The following TET1 variants were observed in gnomAD, a reference collection of about 807,000 sequenced individuals.
The protein encoded by TET1 is methylcytosine dioxygenase TET1.
TET1 carries 13 observed loss-of-function variants against 148.7 expected under a neutral mutation model. That is an observed-to-expected ratio of 0.09 (90% CI 0.06 to 0.14). The LOEUF (loss-of-function observed/expected upper bound fraction) is 0.14, where lower values mean the gene tolerates loss of function less well. Ranked by LOEUF, TET1 falls within the 10% of genes least tolerant of loss-of-function variation. The pLI, the probability that TET1 is intolerant of heterozygous loss-of-function variation, is 1.00. For synonymous variants in TET1, 907 were observed against 937.2 expected, an observed-to-expected ratio of 0.97 and a Z score of 0.59; for missense variants, 2,182 against 2,553.8, an observed-to-expected ratio of 0.85 and a Z score of 3.14.
intron 11 of TET1, among the ~76,000 whole-genome samples, chr10:68,688,273 T>C (rs1370421251): frequency 1.4e-5 from 2 of 147,598 alleles, no homozygotes; most frequent in African/African-American, 5.0e-5. Flanking sequence ...AATTTTTGTA[T>C]TTTTAGTTGA....
chr10:68,623,755 C>T (rs1204070565), intron 3 of TET1, among the ~76,000 whole-genome samples: 3 of 152,202 alleles, frequency 2.0e-5, no homozygotes, highest in Non-Finnish European at 2.9e-5. Context: ...GATGATTCCA[C>T]CACACTCATT....
At chr10:68,618,425 C>A (rs1418573959) in intron 3 of TET1, among the ~76,000 whole-genome samples, 3 of 152,168 alleles carry the variant, frequency 2.0e-5, no homozygotes, top group Non-Finnish European at 4.4e-5. Context: ...TCTTGCCCTT[C>A]CTGCTCTTAT....
In TET1 at chr10:68,624,681, TCTCTCTCTCTCTC is replaced by T. The variant is rs1564975200; in HGVS notation, c.1969-20016_1969-20004del. Among the ~76,000 whole-genome samples, 422 of 131,940 alleles carry T rather than the reference TCTCTCTCTCTCTC, an allele frequency of 3.2e-3. 5 individuals carry two copies. Among genetic ancestry groups the T allele is most frequent in the Non-Finnish European group, 4.7e-3 (292 of 61,696 alleles). 86.6% of individuals were successfully genotyped at this position (131,940 alleles called of 152,430 possible). A position where few individuals can be genotyped will look rare whatever the true frequency, so the allele number is the denominator to read the frequency against. On this transcript the variant is annotated intron_variant, in intron 3 of 11. Transcript: ENST00000373644. Reference sequence around the variant, plus strand: ...CTTTCTCTCTCTCTCTCTCTCTCTCTCTCTCTCTCTCTCTCTTTCTTTCTTTTCCTTCCTTCTT... The same window carrying T: ...CTTTCTCTCTCTCTCTCTCTCTCTCTTCTTTCTTTCTTTTCCTTCCTTCTT...
intron 8 of TET1, among the ~76,000 whole-genome samples, chr10:68,673,935 C>CTTTTTTTTTTTTTTTTTTTTTT (rs11381293): frequency 2.5e-5 from 3 of 120,280 alleles, no homozygotes; most frequent in Non-Finnish European, 3.4e-5. Context: ...CTTTCTTTTT[C>CTTTTTTTTTTTTTTTTTTTTTT]TTTTTTTTTT....
At chr10:68,643,457 A>C (rs1223856034) in intron 3 of TET1, among the ~76,000 whole-genome samples, 1 of 152,154 alleles carries the variant, frequency 6.6e-6, no homozygotes, top group East Asian at 1.9e-4. Context: ...GTGAAAACTT[A>C]ACAAGCTATA....
At chr10:68,596,023 CACACATAT>C (rs1564959068) in intron 2 of TET1, among the ~76,000 whole-genome samples, 5 of 95,418 alleles carry the variant, frequency 5.2e-5, no homozygotes, top group East Asian at 5.3e-4. Context: ...CACACACACA[CACACATAT>C]ATATATATAT....
Position 68,690,889 on chromosome 10 carries a change from A to C in TET1, c.5486A>C (p.Lys1829Thr). 6.2e-7 allele frequency: 1 copy of C among 1,614,204 alleles called. No homozygotes were observed. The highest frequency in any genetic ancestry group is 8.5e-7 in the Non-Finnish European group (1 of 1,180,048). Reference sequence around the variant, plus strand: ...ATCTTAAAAAGTTCAGACAACACTAAAACTTATTCGCTGATGCCATCCGCT... The same window carrying C: ...ATCTTAAAAAGTTCAGACAACACTACAACTTATTCGCTGATGCCATCCGCT... ...HFILKSSDNTKTYSLMPSAPH... is the reference protein window; with the variant it reads ...HFILKSSDNTTTYSLMPSAPH... The change falls in exon 12 of 12, where the codon AAA becomes ACA. Residue 1829 changes from lysine to threonine, a missense_variant. Around this residue, in one of 11 missense-constraint regions of TET1, gnomAD observed 380 missense variants for 387.9 expected, o/e 0.98. Coordinates refer to ENST00000373644, the MANE Select transcript of TET1 (RefSeq NM_030625.3).
At position 68,573,064 on chromosome 10, in the gene TET1, G is replaced by A. The variant is rs1564948512; in HGVS notation, c.726G>A (p.Met242Ile). ...ATGATACCAGTGGTTCCCCAAAAAT[G>A]TTTGCTCAGGACACAGTGTGTGCTC... The part of the protein sequence containing the change: ...TLNDTSGSPK[M>I]FAQDTVCAPF... The change falls in exon 2 of 12, where the codon ATG becomes ATA. Residue 242 changes from methionine (M) to isoleucine (I), a missense_variant. By Grantham distance (10) the Met-to-Ile change is conservative (BLOSUM62 1). Transcript: ENST00000373644. 6.2e-7 allele frequency: 1 copy of A among 1,614,138 alleles called. No homozygotes were observed. Among genetic ancestry groups the A allele is most frequent in the Non-Finnish European group, 8.5e-7 (1 of 1,180,026 alleles).
At chr10:68,579,482 T>C (rs1334657155) in intron 2 of TET1, among the ~76,000 whole-genome samples, 4 of 152,230 alleles carry the variant, frequency 2.6e-5, no homozygotes. Flanking sequence ...TCAACAAGTA[T>C]TGCACTTCTC....
chr10:68,644,689 A>T lies in TET1; in HGVS notation c.1969-9A>T. On this transcript the variant is annotated splice_polypyrimidine_tract_variant and intron_variant, in intron 3 of 11. Coordinates refer to ENST00000373644, the MANE Select transcript of TET1 (RefSeq NM_030625.3). ...AGTAGATGACATAAGTAATTTCTGT[A>T]TTTTACAGGCAGATTTTGACAACAA... 1 of 1,543,882 alleles carries T rather than the reference A, an allele frequency of 6.5e-7. No individual in the cohort carries two copies. Among genetic ancestry groups the T allele is most frequent in the South Asian group, 1.3e-5 (1 of 78,388 alleles).
At chr10:68,586,814 G>A (rs977562753) in intron 2 of TET1, among the ~76,000 whole-genome samples, 1 of 152,178 alleles carries the variant, frequency 6.6e-6, no homozygotes, top group Non-Finnish European at 1.5e-5. Context: ...GCCATGAGGA[G>A]CAGAGATGAT....
At chr10:68,584,598 A>G (rs1228582522) in intron 2 of TET1, among the ~76,000 whole-genome samples, 4 of 149,898 alleles carry the variant, frequency 2.7e-5, no homozygotes, top group African/African-American at 9.9e-5. Flanking sequence ...AATCCCAGCT[A>G]TGAGGGAGGC....
At chr10:68,690,741 C>G in intron 11 of TET1, 67 bp from the exon 12 acceptor site, 1 of 1,471,662 alleles carries the variant, frequency 6.8e-7, no homozygotes, top group Admixed American at 2.3e-5. Context: ...TTTGAAAATA[C>G]TTTTTAAAAG....
chr10:68,609,614 G>A (rs1433207482), intron 3 of TET1, among the ~76,000 whole-genome samples: 1 of 152,062 alleles, frequency 6.6e-6, no homozygotes. Flanking sequence ...CTGTACTTCT[G>A]AAGTTTTTGT....
chr10:68,645,456 C>T lies in TET1; in HGVS notation c.2727C>T (p.Ser909=). ...QLSEAPSENS[S]PSKSEKDEES... ...CAGAAGCCCCATCAGAGAATTCCTC[C>T]CCATCAAAGTCAGAGAAGGATGAGG... Residue 909 remains serine, a synonymous_variant, in exon 4 of 12, where the codon TCC becomes TCT. Transcript: ENST00000373644. 1.1e-5 allele frequency: 17 copies of T among 1,613,854 alleles called. No individual in the cohort carries two copies. Among genetic ancestry groups the T allele is most frequent in the Non-Finnish European group, 1.4e-5 (17 of 1,180,034 alleles).
At chr10:68,608,426 G>C (rs569544065) in intron 3 of TET1, among the ~76,000 whole-genome samples, 2 of 151,284 alleles carry the variant, frequency 1.3e-5, no homozygotes, top group Admixed American at 6.6e-5. Flanking sequence ...CAGTAGAGAT[G>C]GGGTTTCACC....
chr10:68,588,571 C>A (rs1419701897), intron 2 of TET1, among the ~76,000 whole-genome samples: 1 of 152,028 alleles, frequency 6.6e-6, no homozygotes, highest in African/African-American at 2.4e-5. Context: ...GAGAGGTGGA[C>A]TGGTTGAGGA....
intron 2 of TET1, among the ~76,000 whole-genome samples, chr10:68,584,706 C>T (rs1280324215): frequency 6.6e-6 from 1 of 151,930 alleles, no homozygotes; most frequent in Non-Finnish European, 1.5e-5. Flanking sequence ...GAGACTCCGT[C>T]TCAGGGAACA....
intron 5 of TET1, 42 bp from the exon 6 acceptor site, chr10:68,652,459 G>A: frequency 7.1e-7 from 1 of 1,418,042 alleles, no homozygotes. Flanking sequence ...AGTACAGATT[G>A]CAATTAATTA....
Sources: gnomAD v4.1 joint callset for allele counts (sites outside exome capture counted in the v4.1 genomes callset) on GRCh38, gnomAD v4.1.1 for gene constraint, gnomAD v4.1.1 regional missense constraint, MANE v1.5 for transcripts, NCBI Gene and HGNC (gene_info 2026-07-23, HGNC 2026-07-21) for gene names.